PMFBP1: variants seen among roughly 807,000 people sequenced by gnomAD.
The protein encoded by PMFBP1 is polyamine-modulated factor 1-binding protein 1.
Under a neutral mutation model 137.8 loss-of-function variants are expected in PMFBP1, and 131 were observed. That is an observed-to-expected ratio of 0.95 (90% CI 0.82 to 1.10). PMFBP1 has a LOEUF of 1.10. PMFBP1 is among the 50% of genes least tolerant of loss of function. PMFBP1 has a pLI of 0.00. For missense variants in PMFBP1, 1,199 were observed against 1,175.4 expected (o/e 1.02, Z -0.29); for synonymous variants, 490 against 450.4 (o/e 1.09, Z -1.11).
At chr16:72,190,003 G>C in the PMFBP1 span, among the ~76,000 whole-genome samples, 2 of 152,224 alleles carry the variant, frequency 1.3e-5, no homozygotes, top group African/African-American at 4.8e-5. Flanking sequence ...TCAGTTGTTA[G>C]AATGCAAAAT....
At chr16:72,156,346 C>T (rs957463975) in intron 3 of PMFBP1, among the ~76,000 whole-genome samples, 14 of 142,360 alleles carry the variant, frequency 9.8e-5, no homozygotes, top group Non-Finnish European at 1.5e-4. Flanking sequence ...AGGCCGGGCA[C>T]GGTGGCTCAC....
At chr16:72,242,207 G>C in the PMFBP1 span, among the ~76,000 whole-genome samples, 1 of 152,200 alleles carries the variant, frequency 6.6e-6, no homozygotes, top group African/African-American at 2.4e-5. Context: ...GAAGGGATGG[G>C]ATCAGACAGC....
rs759732554 is a variant in PMFBP1 at position 72,150,805 on chromosome 16, C to G, written c.439G>C (p.Gly147Arg). The G allele has an allele frequency of 6.1e-5, 98 of 1,613,864 alleles. No individual in the cohort carries two copies. The highest frequency in any genetic ancestry group is 8.1e-5 in the Non-Finnish European group (95 of 1,180,030). ...DEVILYEEEM[G>R]NHNENTGEKL... ...TCCCCTGTGTTCTCGTTGTGATTTC[C>G]CATTTCCTCCTCATAGAGAATCACC... The change falls in exon 5 of 21, where the codon GGA becomes CGA. Residue 147 changes from glycine (G) to arginine (R), a missense_variant. Physicochemically the swap from Gly to Arg is moderately radical, Grantham distance 125 (BLOSUM62 -2). Transcript: ENST00000237353.
At chr16:72,129,011 G>A (rs2042505747) in intron 13 of PMFBP1, 55 bp downstream of exon 13, 1 of 1,583,326 alleles carries the variant, frequency 6.3e-7, no homozygotes, top group Non-Finnish European at 8.6e-7. Flanking sequence ...GCCCAGGTGG[G>A]GTCATGTCCC....
chr16:72,171,259 T>G lies in PMFBP1; in HGVS notation c.-51A>C. On this transcript the variant is annotated 5_prime_UTR_variant, in exon 2 of 21. Coordinates refer to ENST00000237353, the MANE Select transcript of PMFBP1 (RefSeq NM_031293.3). ...TTAACCTTTAGTATTTTCTGAGCTT[T>G]GTTATAAACCTGAAAAAGTCCAAGT... The G allele has an allele frequency of 1.2e-6, 2 of 1,600,506 alleles. No individual in the cohort carries two copies. The highest frequency in any genetic ancestry group is 2.2e-5 in the South Asian group (2 of 90,770).
chr16:72,130,141 C>T, intron 12 of PMFBP1, 72 bp downstream of exon 12: 1 of 1,580,944 alleles, frequency 6.3e-7, no homozygotes. Context: ...AGGTGTGAGC[C>T]ACTGCTCCTA....
chr16:72,186,924 C>A, the PMFBP1 span, among the ~76,000 whole-genome samples: 1 of 151,864 alleles, frequency 6.6e-6, no homozygotes, highest in Non-Finnish European at 1.5e-5. Context: ...ACAAGCCTGG[C>A]CAACATGGCA....
chr16:72,226,615 T>C, the PMFBP1 span, among the ~76,000 whole-genome samples: 1 of 152,208 alleles, frequency 6.6e-6, no homozygotes, highest in Non-Finnish European at 1.5e-5. Flanking sequence ...TGTTTCTTTG[T>C]AAGAATTTTG....
chr16:72,119,856 C>CA lies in PMFBP1; in HGVS notation c.3001dup (p.Cys1001LeufsTer27), dbSNP rs1325062929. On this transcript the variant is annotated frameshift_variant, in exon 20 of 21. Coordinates refer to ENST00000237353, the MANE Select transcript of PMFBP1 (RefSeq NM_031293.3). LOFTEE classifies it high-confidence loss of function. The stretch of plus-strand genomic sequence containing the variant: ...TTGACAAATGGCAGACGTACCCGGG[C>CA]AGTGGGGCATCCCGATGTACTTGGT... 6.2e-7 allele frequency: 1 copy of CA among 1,613,920 alleles called. No individual in the cohort carries two copies.
chr16:72,235,610 T>C, the PMFBP1 span, among the ~76,000 whole-genome samples: 1 of 152,092 alleles, frequency 6.6e-6, no homozygotes, highest in South Asian at 2.1e-4. Context: ...CTTTGGGAAA[T>C]ACGGTCATCT....
At chr16:72,155,829 C>T (rs188878306) in intron 3 of PMFBP1, among the ~76,000 whole-genome samples, 23 of 152,246 alleles carry the variant, frequency 1.5e-4, no homozygotes, top group South Asian at 6.2e-4. Flanking sequence ...CAACCCCCCA[C>T]GTTTCCTCAT....
chr16:72,175,544 C>T (rs778337023), upstream of PMFBP1, among the ~76,000 whole-genome samples: 3 of 152,178 alleles, frequency 2.0e-5, no homozygotes, highest in Non-Finnish European at 4.4e-5. Flanking sequence ...CCAAGGAACA[C>T]CGACTATTCC....
At chr16:72,199,545 T>G in the PMFBP1 span, among the ~76,000 whole-genome samples, 1 of 150,796 alleles carries the variant, frequency 6.6e-6, no homozygotes, top group East Asian at 2.0e-4. Flanking sequence ...TCCCAGCTAC[T>G]CGGGAGGCTG....
chr16:72,234,448 C>T, the PMFBP1 span, among the ~76,000 whole-genome samples: 1 of 152,200 alleles, frequency 6.6e-6, no homozygotes, highest in Non-Finnish European at 1.5e-5. Flanking sequence ...AAAACACACC[C>T]TTGGTTAGAG....
At chr16:72,234,087 T>C in the PMFBP1 span, among the ~76,000 whole-genome samples, 407 of 152,274 alleles carry the variant, frequency 2.7e-3, 3 homozygotes, top group Non-Finnish European at 1.1e-3. Context: ...TTTTCCTGGT[T>C]TTAAACCTAG....
the PMFBP1 span, among the ~76,000 whole-genome samples, chr16:72,220,009 C>G: frequency 3.9e-5 from 6 of 152,012 alleles, no homozygotes; most frequent in Non-Finnish European, 8.8e-5. Context: ...GCCAGCTTAG[C>G]GAATGTTTTA....
chr16:72,180,767 G>C (rs189567810), upstream of PMFBP1, among the ~76,000 whole-genome samples: 3 of 152,296 alleles, frequency 2.0e-5, no homozygotes, highest in East Asian at 5.8e-4. Flanking sequence ...GGCAGCAGCA[G>C]TCTGGTGCTT....
chr16:72,169,195 T>C (rs913935737), intron 2 of PMFBP1, among the ~76,000 whole-genome samples: 2 of 152,220 alleles, frequency 1.3e-5, no homozygotes, highest in African/African-American at 4.8e-5. Context: ...AAATCTTCAA[T>C]AATCAATGGG....
intron 1 of PMFBP1, 99 bp downstream of exon 1, chr16:72,171,955 A>T (rs767494847): frequency 5.3e-5 from 8 of 152,200 alleles, no homozygotes; most frequent in Admixed American, 5.2e-4. Flanking sequence ...TAAGTACAGG[A>T]TGATGCATTT....
Sources: allele counts gnomAD v4.1 joint callset (sites outside exome capture counted in the v4.1 genomes callset), GRCh38; gene constraint gnomAD v4.1.1; transcripts MANE v1.5; gene names NCBI Gene and HGNC (gene_info 2026-07-23, HGNC 2026-07-21).